The following SIL1 variants were observed in gnomAD, a reference collection of about 807,000 sequenced individuals.
SIL1 encodes the protein nucleotide exchange factor SIL1.
SIL1 carries 40 observed loss-of-function variants against 49.1 expected under a neutral mutation model. The observed-to-expected ratio is 0.81, with a 90% confidence interval of 0.63 to 1.06. The LOEUF is 1.06. SIL1 is among the 50% of genes least tolerant of loss of function. SIL1 has a pLI of 0.00. For missense variants in SIL1, 500 were observed against 572.6 expected (o/e 0.87, Z 1.29); for synonymous variants, 253 against 250.8 (o/e 1.01, Z -0.08).
chr5:139,122,820 A>G (rs1184519210), intron 2 of SIL1, among the ~76,000 whole-genome samples: 5 of 152,198 alleles, frequency 3.3e-5, no homozygotes, highest in African/African-American at 1.2e-4. Context: ...TATCTTGGCA[A>G]GAAGAAGCTC....
chr5:138,974,250 T>C (rs1032746804), intron 7 of SIL1, among the ~76,000 whole-genome samples: 5 of 152,182 alleles, frequency 3.3e-5, no homozygotes, highest in African/African-American at 1.2e-4. Context: ...ACCGTTCCTC[T>C]TGGGCTCTCC....
intron 7 of SIL1, among the ~76,000 whole-genome samples, chr5:138,969,089 T>C (rs1238659048): frequency 6.6e-6 from 1 of 152,310 alleles, no homozygotes; most frequent in Non-Finnish European, 1.5e-5. Context: ...GAAGTTTATA[T>C]ATATAAAACC....
At chr5:139,129,246 C>G (rs1213007999) in intron 1 of SIL1, among the ~76,000 whole-genome samples, 1 of 152,192 alleles carries the variant, frequency 6.6e-6, no homozygotes, top group African/African-American at 2.4e-5. Context: ...TAAGGATGGA[C>G]AGACAGACCA....
At chr5:139,022,557 T>C (rs1768553599) in intron 6 of SIL1, 1 of 152,224 alleles carries the variant, frequency 6.6e-6, no homozygotes, top group South Asian at 2.1e-4. Flanking sequence ...TTAATGAGTA[T>C]GAATTTGATC....
chr5:138,962,084 T>G lies in SIL1; in HGVS notation c.768-10200A>C, dbSNP rs578258458. Among the ~76,000 whole-genome samples, 40 of 152,090 alleles carry G rather than the reference T, an allele frequency of 2.6e-4. 1 individual carries two copies. The South Asian group carries it at 7.9e-3, about 30-fold the overall frequency. On this transcript the variant is annotated intron_variant, in intron 7 of 9. Transcript: ENST00000394817. ...ACTGTCAGAAAAGAGAATTAAGAATTAAAGCAAGTGAAGAATTTATTGGTT... is the reference window on the plus strand; with the variant it reads ...ACTGTCAGAAAAGAGAATTAAGAATGAAAGCAAGTGAAGAATTTATTGGTT...
At chr5:139,073,334 A>C (rs1467285259) in intron 3 of SIL1, among the ~76,000 whole-genome samples, 2 of 152,336 alleles carry the variant, frequency 1.3e-5, no homozygotes, top group East Asian at 3.9e-4. Context: ...GAATACAGAA[A>C]ATATGGAATA....
chr5:139,124,043 C>G (rs1750707822), intron 2 of SIL1, among the ~76,000 whole-genome samples: 1 of 152,150 alleles, frequency 6.6e-6, no homozygotes, highest in African/African-American at 2.4e-5. Context: ...AGCCACCACA[C>G]CCAGCCTCAA....
chr5:139,151,213 G>A (rs546852316), intron 1 of SIL1, among the ~76,000 whole-genome samples: 2 of 152,208 alleles, frequency 1.3e-5, no homozygotes, highest in South Asian at 4.2e-4. Context: ...TTGAATGAAT[G>A]AAGAAATGAA....
At chr5:139,049,003 G>GA (rs1229290757) in intron 4 of SIL1, among the ~76,000 whole-genome samples, 1 of 152,204 alleles carries the variant, frequency 6.6e-6, no homozygotes, top group African/African-American at 2.4e-5. Context: ...TTCTAACAGT[G>GA]AAAACTGTCT....
At chr5:138,969,138 C>T (rs1767216172) in intron 7 of SIL1, among the ~76,000 whole-genome samples, 1 of 152,150 alleles carries the variant, frequency 6.6e-6, no homozygotes, top group African/African-American at 2.4e-5. Context: ...GAATTTTAGG[C>T]AGTAGCAGAA....
At chr5:138,973,737 T>C (rs1767334924) in intron 7 of SIL1, among the ~76,000 whole-genome samples, 1 of 152,014 alleles carries the variant, frequency 6.6e-6, no homozygotes, top group African/African-American at 2.4e-5. Flanking sequence ...AGCCACCGTG[T>C]CCAGCCTTGA....
intron 1 of SIL1, among the ~76,000 whole-genome samples, chr5:139,179,978 C>T (rs1415606617): frequency 6.6e-6 from 1 of 151,398 alleles, no homozygotes; most frequent in Non-Finnish European, 1.5e-5. Context: ...ATCTCTTGAC[C>T]TCAGGAAGTC....
At chr5:139,097,299 T>C (rs1159000071) in intron 3 of SIL1, among the ~76,000 whole-genome samples, 2 of 151,838 alleles carry the variant, frequency 1.3e-5, no homozygotes, top group African/African-American at 2.4e-5. Flanking sequence ...AAGGGAAGGA[T>C]ATGGGCCTGG....
intron 1 of SIL1, among the ~76,000 whole-genome samples, chr5:139,192,600 A>G (rs969695034): frequency 1.3e-5 from 2 of 152,234 alleles, no homozygotes; most frequent in African/African-American, 4.8e-5. Context: ...GGGCCAACAC[A>G]GCAGCCCCAG....
chr5:139,059,183 T>C (rs1769527961), intron 3 of SIL1, among the ~76,000 whole-genome samples: 1 of 152,224 alleles, frequency 6.6e-6, no homozygotes, highest in Non-Finnish European at 1.5e-5. Flanking sequence ...TTCCCACATG[T>C]CATGGGAGCC....
intron 1 of SIL1, among the ~76,000 whole-genome samples, chr5:139,168,411 T>C (rs1288214711): frequency 6.6e-6 from 1 of 152,164 alleles, no homozygotes; most frequent in Non-Finnish European, 1.5e-5. Context: ...CAGGTAGTTG[T>C]GTATGTGTTC....
Position 139,122,751 on chromosome 5 carries a change from T to A in SIL1, c.106-1578A>T, listed in dbSNP as rs181272767. 6.6e-5 allele frequency among the ~76,000 whole-genome samples: 10 copies of A among 152,186 alleles called. No homozygotes were observed. In the East Asian group the frequency reaches 1.9e-3, roughly 29 times the overall value. Reference sequence around the variant, plus strand: ...AGAATTTTTACATTTTAACAAGAAATAAAGGCATGAAATTTAGATGGCAGA... The same window carrying A: ...AGAATTTTTACATTTTAACAAGAAAAAAAGGCATGAAATTTAGATGGCAGA... On this transcript the variant is annotated intron_variant, in intron 2 of 9. Coordinates refer to ENST00000394817, the MANE Select transcript of SIL1 (RefSeq NM_022464.5).
At chr5:138,962,721 C>T (rs1418768301) in intron 7 of SIL1, among the ~76,000 whole-genome samples, 1 of 152,202 alleles carries the variant, frequency 6.6e-6, no homozygotes, top group Non-Finnish European at 1.5e-5. Flanking sequence ...GAAGACCTCC[C>T]ACTGAGTGGC....
intron 3 of SIL1, among the ~76,000 whole-genome samples, chr5:139,112,048 T>G (rs1004017261): frequency 6.6e-6 from 1 of 152,244 alleles, no homozygotes; most frequent in African/African-American, 2.4e-5. Flanking sequence ...GGTTTCGCTG[T>G]GTTGGCCGGG....
Sources: gnomAD v4.1 joint callset for allele counts (sites outside exome capture counted in the v4.1 genomes callset) on GRCh38, gnomAD v4.1.1 for gene constraint, MANE v1.5 for transcripts, NCBI Gene and HGNC (gene_info 2026-07-23, HGNC 2026-07-21) for gene names.